HEATR5A: variants seen among roughly 807,000 people sequenced by gnomAD.
HEATR5A encodes the protein HEAT repeat containing 5A.
A neutral mutation model predicts 218.8 loss-of-function variants in HEATR5A; 178 were observed. The ratio of observed to expected loss-of-function variants is 0.81; its 90% confidence interval spans 0.72 to 0.92. The LOEUF is 0.92. Ranked by LOEUF, HEATR5A falls within the 40% of genes least tolerant of loss-of-function variation. HEATR5A has a pLI of 0.00. For missense variants in HEATR5A, 2,420 were observed against 2,418.9 expected (o/e 1.00, Z -0.01); for synonymous variants, 864 against 871.6 (o/e 0.99, Z 0.15).
At chr14:31,309,293 CT>C in intron 28 of HEATR5A, 111 bp from the exon 29 acceptor site, 6 of 1,191,624 alleles carry the variant, frequency 5.0e-6, no homozygotes, top group Admixed American at 2.3e-5. Context: ...CCCTTGTACC[CT>C]TTTTCAGTCA....
chr14:31,338,044 TA>T (rs1900725058), intron 21 of HEATR5A, among the ~76,000 whole-genome samples: 1 of 152,202 alleles, frequency 6.6e-6, no homozygotes, highest in Non-Finnish European at 1.5e-5. Flanking sequence ...GCATATTGGT[TA>T]AAATGGAGGC....
At chr14:31,417,592 A>G (rs2031495728) in intron 1 of HEATR5A, among the ~76,000 whole-genome samples, 1 of 149,132 alleles carries the variant, frequency 6.7e-6, no homozygotes, top group African/African-American at 2.5e-5. Context: ...TCAAAAAAAG[A>G]AAAAAAAATT....
intron 21 of HEATR5A, among the ~76,000 whole-genome samples, chr14:31,339,147 ATATGTATG>A (rs568745725): frequency 5.3e-5 from 8 of 149,784 alleles, no homozygotes; most frequent in South Asian, 2.1e-4. Flanking sequence ...AAACATATAT[ATATGTATG>A]TATGTATGTA....
At chr14:31,305,592 G>A (rs185503057) in intron 31 of HEATR5A, among the ~76,000 whole-genome samples, 2 of 152,242 alleles carry the variant, frequency 1.3e-5, no homozygotes, top group Non-Finnish European at 2.9e-5. Flanking sequence ...TAAATTTTGG[G>A]TGTTAAAGAC....
chr14:31,347,842 C>A lies in HEATR5A; in HGVS notation c.2774G>T (p.Arg925Met). Residue 925 changes from arginine to methionine, a missense_variant, in exon 19 of 36, where the codon AGG (arginine) becomes ATG (methionine). By Grantham distance (91) the Arg-to-Met change is moderately conservative. Coordinates refer to ENST00000543095, the MANE Select transcript of HEATR5A (RefSeq NM_015473.4). ...AGAAGAACTTATTCCTCCTAAATAC[C>A]TATGTAGGGACCCCAAGGCCAATGA... The part of the protein sequence containing the change: ...GHSLALGSLH[R>M]YLGGISSSQH... 1 of 1,594,906 alleles carries A rather than the reference C, an allele frequency of 6.3e-7. No individual in the cohort carries two copies. Among genetic ancestry groups the A allele is most frequent in the East Asian group, 2.3e-5 (1 of 44,230 alleles).
At chr14:31,328,157 T>A (rs1900333205) in intron 22 of HEATR5A, among the ~76,000 whole-genome samples, 1 of 151,870 alleles carries the variant, frequency 6.6e-6, no homozygotes, top group Non-Finnish European at 1.5e-5. Context: ...TTTCACCATG[T>A]TGGCCAGGCT....
At chr14:31,400,568 C>T (rs944722586) in intron 2 of HEATR5A, 56 bp from the exon 3 acceptor site, 14 of 1,121,376 alleles carry the variant, frequency 1.2e-5, no homozygotes, top group African/African-American at 3.2e-5. Context: ...ATCTGTAATC[C>T]CCTAATATAA....
chr14:31,336,250 A>ATATATATATATATATG (rs1900663777), intron 22 of HEATR5A, among the ~76,000 whole-genome samples: 5 of 89,770 alleles, frequency 5.6e-5, no homozygotes, highest in Admixed American at 1.1e-4. Context: ...ATATATATAT[A>ATATATATATATATATG]TATATATATA....
At chr14:31,354,129 T>C (rs1901336428) in intron 16 of HEATR5A, among the ~76,000 whole-genome samples, 1 of 151,960 alleles carries the variant, frequency 6.6e-6, no homozygotes, top group South Asian at 2.1e-4. Flanking sequence ...AACATATTTA[T>C]GTCCAAAGCA....
At chr14:31,318,702 C>T (rs911584672) in intron 25 of HEATR5A, among the ~76,000 whole-genome samples, 1 of 152,170 alleles carries the variant, frequency 6.6e-6, no homozygotes, top group Non-Finnish European at 1.5e-5. Flanking sequence ...GTTGGCCAGG[C>T]TGGTCTCCAA....
At position 31,345,157 on chromosome 14, in the gene HEATR5A, A is replaced by T; in HGVS notation, c.2988T>A (p.His996Gln). 6.2e-7 allele frequency: 1 copy of T among 1,614,022 alleles called. No individual in the cohort carries two copies. The highest frequency in any genetic ancestry group is 1.1e-5 in the South Asian group (1 of 91,090). The change falls in exon 20 of 36, where the codon CAT becomes CAA. Residue 996 changes from histidine to glutamine, a missense_variant. His to Gln is a conservative substitution (Grantham distance 24). Transcript: ENST00000543095. ...IMLLLNVPPT[H>Q]AEVHQSLGRC... is the part of the protein sequence containing the mutation. Reference sequence around the variant, plus strand: ...GACCAAGGCTTTGGTGAACTTCAGCATGAGTAGGAGGCACATTTAACAACA... The same window carrying T: ...GACCAAGGCTTTGGTGAACTTCAGCTTGAGTAGGAGGCACATTTAACAACA...
At chr14:31,323,178 A>G (rs1360758879) in intron 24 of HEATR5A, among the ~76,000 whole-genome samples, 2 of 152,224 alleles carry the variant, frequency 1.3e-5, no homozygotes, top group African/African-American at 2.4e-5. Context: ...GAATGCCAAT[A>G]TAAGAAGCTT....
rs748828408 is a variant in HEATR5A, at chr14:31,349,891, T to C, written c.2606A>G (p.Asn869Ser). Residue 869 changes from asparagine to serine, a missense_variant, in exon 18 of 36, where the codon AAC (asparagine) becomes AGC (serine). By Grantham distance (46) the Asn-to-Ser change is conservative (BLOSUM62 1). Coordinates refer to ENST00000543095, the MANE Select transcript of HEATR5A (RefSeq NM_015473.4). The part of the protein sequence containing the change: ...TLVMGALESP[N>S]PLLRCAAAES... ...TGCAGCTGCACATCTCAGCAAGGGG[T>C]TGGGGCTTTCTAGGGCTCCCATAAC... is the stretch of plus-strand genomic sequence containing the variant. The C allele has an allele frequency of 6.2e-6, 10 of 1,612,452 alleles. No individual in the cohort carries two copies. The highest frequency in any genetic ancestry group is 8.5e-6 in the Non-Finnish European group (10 of 1,179,138).
chr14:31,320,782 G>A, intron 25 of HEATR5A: 1 of 338,964 alleles, frequency 3.0e-6, no homozygotes, highest in Non-Finnish European at 5.7e-6. Context: ...GGAGATGGAG[G>A]TCTCCCTATG....
intron 32 of HEATR5A, 60 bp downstream of exon 32, chr14:31,304,845 T>C (rs1042898558): frequency 1.7e-5 from 26 of 1,542,800 alleles, no homozygotes; most frequent in Non-Finnish European, 2.3e-5. Flanking sequence ...CTAGACTCCA[T>C]TATCTATTAA....
At chr14:31,301,337 C>A (rs551335141) in intron 33 of HEATR5A, among the ~76,000 whole-genome samples, 1 of 152,216 alleles carries the variant, frequency 6.6e-6, no homozygotes, top group South Asian at 2.1e-4. Context: ...CTCACTGCAA[C>A]CTCTGCCTCC....
At chr14:31,338,991 G>A (rs1356464636) in intron 21 of HEATR5A, among the ~76,000 whole-genome samples, 1 of 150,622 alleles carries the variant, frequency 6.6e-6, no homozygotes, top group Admixed American at 6.6e-5. Flanking sequence ...ATGGTGGCAG[G>A]TGTCTGTAAT....
intron 11 of HEATR5A, among the ~76,000 whole-genome samples, chr14:31,376,771 CAG>C (rs1282787894): frequency 2.0e-5 from 3 of 152,154 alleles, no homozygotes; most frequent in East Asian, 3.9e-4. Context: ...ATGAAAAAAA[CAG>C]AGAAGACATG....
chr14:31,314,341 C>G (rs914766156), intron 27 of HEATR5A, among the ~76,000 whole-genome samples: 2 of 152,064 alleles, frequency 1.3e-5, no homozygotes, highest in African/African-American at 4.8e-5. Context: ...CAACCTCTGC[C>G]TCCCGGGTTC....
Sources: allele counts gnomAD v4.1 joint callset (sites outside exome capture counted in the v4.1 genomes callset), GRCh38; gene constraint gnomAD v4.1.1; transcripts MANE v1.5; gene names NCBI Gene and HGNC (gene_info 2026-07-23, HGNC 2026-07-21).